BRIP1: variants seen among roughly 807,000 people sequenced by gnomAD.
BRIP1 encodes BRCA1 interacting DNA helicase 1, also known as Fanconi anemia group J protein.
Under a neutral mutation model 119.7 loss-of-function variants are expected in BRIP1, and 88 were observed. The ratio of observed to expected loss-of-function variants is 0.74; its 90% CI spans 0.62 to 0.88. BRIP1 has a LOEUF of 0.88. Ranked by LOEUF, BRIP1 falls within the 40% of genes least tolerant of loss-of-function variation. The probability of loss-of-function intolerance (pLI) is 0.00; values close to 1 mark genes in which losing one functional copy is unlikely to be tolerated. For synonymous variants in BRIP1, 443 were observed against 496.5 expected (o/e 0.89, Z 1.43); for missense variants, 1,259 against 1,455.4 (o/e 0.87, Z 2.20).
intron 14 of BRIP1, among the ~76,000 whole-genome samples, chr17:61,765,382 TATATATATA>T (rs1567798696): frequency 0.017 from 313 of 18,272 alleles, 2 homozygotes; most frequent in South Asian, 0.045. Context: ...GTATATATTA[TATATATATA>T]TATATATATA....
rs2077228019 is a variant in BRIP1, at chr17:61,758,326, G to A, written c.2098-13735C>T. ...AAGGCAACTCGTTTTCTATACTTCT[G>A]TAAATGGGCTAATAATTAAACTATA... is the stretch of plus-strand genomic sequence containing the variant. On this transcript the variant is annotated intron_variant, in intron 14 of 19. Coordinates refer to ENST00000259008, the MANE Select transcript of BRIP1 (RefSeq NM_032043.3). This position sits in a 1 kb window ranked among gnomAD's most constrained non-coding sequence, Gnocchi z 5.3. Among the ~76,000 whole-genome samples, 1 of 152,168 alleles carries A rather than the reference G, an allele frequency of 6.6e-6. No homozygotes were observed. The highest frequency in any genetic ancestry group is 1.5e-5 in the Non-Finnish European group (1 of 68,038).
At chr17:61,787,194 CTATATAAAA>C (rs1314950426) in intron 10 of BRIP1, among the ~76,000 whole-genome samples, 1 of 72,810 alleles carries the variant, frequency 1.4e-5, no homozygotes, top group African/African-American at 6.1e-5. Flanking sequence ...ATATTATATA[CTATATAAAA>C]TATATAAAAA....
At chr17:61,777,949 CTGATCCTGATG>C (rs1314248384) in intron 13 of BRIP1, among the ~76,000 whole-genome samples, 1 of 152,162 alleles carries the variant, frequency 6.6e-6, no homozygotes, top group African/African-American at 2.4e-5. Flanking sequence ...GAGGCCAGCC[CTGATCCTGATG>C]CTACCTAGGA....
chr17:61,731,961 T>TTTTC (rs1188482035), intron 16 of BRIP1, among the ~76,000 whole-genome samples: 130 of 148,622 alleles, frequency 8.7e-4, no homozygotes, highest in African/African-American at 2.8e-3. Context: ...GCTTTTTTTC[T>TTTTC]TTTCTTTCTT....
In BRIP1 at chr17:61,780,435, T is replaced by C. The variant is rs766567914; in HGVS notation, c.1795-34A>G. 3.8e-6 allele frequency: 6 copies of C among 1,584,276 alleles called. No homozygotes were observed. Among genetic ancestry groups the C allele is most frequent in the Admixed American group, 1.7e-5 (1 of 59,932 alleles). Reference sequence around the variant, plus strand: ...AAACAACATTAGATAAATAAAATTATCTTTAGAAGAGGCTGGGCAAAGTGG... The same window carrying C: ...AAACAACATTAGATAAATAAAATTACCTTTAGAAGAGGCTGGGCAAAGTGG... On this transcript the variant is annotated intron_variant, in intron 12 of 19. Transcript: ENST00000259008. This position sits in a 1 kb window ranked among gnomAD's most constrained non-coding sequence, Gnocchi z 5.4.
intron 14 of BRIP1, among the ~76,000 whole-genome samples, chr17:61,764,482 A>G (rs2077322593): frequency 6.6e-6 from 1 of 152,188 alleles, no homozygotes; most frequent in South Asian, 2.1e-4. Flanking sequence ...TTTGGAGACT[A>G]CCACTGCATC....
chr17:61,800,566 G>A (rs2145323456), intron 8 of BRIP1, among the ~76,000 whole-genome samples: 1 of 152,268 alleles, frequency 6.6e-6, no homozygotes, highest in South Asian at 2.1e-4. Context: ...AGCAAAGGAA[G>A]CAATAGATTT....
chr17:61,803,829 A>G lies in BRIP1; in HGVS notation c.919-2355T>C, dbSNP rs892625034. Reference sequence around the variant, plus strand: ...ATTTAAAATTTTACCATTAATGTGAATAGATGTACCCTGTACTGTTAAATA... The same window carrying G: ...ATTTAAAATTTTACCATTAATGTGAGTAGATGTACCCTGTACTGTTAAATA... On this transcript the variant is annotated intron_variant, in intron 7 of 19. Transcript: ENST00000259008. The surrounding 1 kb of genome is among the most constrained non-coding windows in gnomAD (Gnocchi z 4.3). 3.3e-5 allele frequency among the ~76,000 whole-genome samples: 5 copies of G among 152,158 alleles called. No individual in the cohort carries two copies. Among genetic ancestry groups the G allele is most frequent in the Non-Finnish European group, 2.9e-5 (2 of 68,018 alleles).
At chr17:61,820,449 TTGAC>T (rs2078303687) in intron 6 of BRIP1, among the ~76,000 whole-genome samples, 1 of 152,210 alleles carries the variant, frequency 6.6e-6, no homozygotes, top group African/African-American at 2.4e-5. Context: ...GAAAAACTGG[TTGAC>T]TGGCCACATT....
intron 3 of BRIP1, among the ~76,000 whole-genome samples, chr17:61,859,486 C>T (rs2078943799): frequency 6.6e-6 from 1 of 152,150 alleles, no homozygotes; most frequent in African/African-American, 2.4e-5. Flanking sequence ...TGTACATCAC[C>T]ATGCCTGGCT....
intron 10 of BRIP1, among the ~76,000 whole-genome samples, chr17:61,784,763 G>A (rs749161690): frequency 1.3e-5 from 2 of 152,000 alleles, no homozygotes; most frequent in Admixed American, 6.6e-5. Context: ...TCTCTCTCTC[G>A]CTTCTTCTCT....
rs372601941 is a variant in BRIP1 at position 61,841,139 on chromosome 17, T to C, written c.627+5962A>G. ...CTAGAAGAAAACATAGGGCAAAAGC[T>C]TCAGGACACTGATCTAGGCAGATTT... is the stretch of plus-strand genomic sequence containing the variant. On this transcript the variant is annotated intron_variant, in intron 6 of 19. Transcript: ENST00000259008. This position sits in a 1 kb window ranked among gnomAD's most constrained non-coding sequence, Gnocchi z 4.1. 6.6e-6 allele frequency among the ~76,000 whole-genome samples: 1 copy of C among 152,264 alleles called. No homozygotes were observed. The highest frequency in any genetic ancestry group is 1.9e-4 in the East Asian group (1 of 5,180).
In BRIP1 at chr17:61,828,783, A is replaced by G. The variant is rs967573000; in HGVS notation, c.627+18318T>C. On this transcript the variant is annotated intron_variant, in intron 6 of 19. Coordinates refer to ENST00000259008, the MANE Select transcript of BRIP1 (RefSeq NM_032043.3). The surrounding 1 kb of genome is among the most constrained non-coding windows in gnomAD (Gnocchi z 4.1). The stretch of plus-strand genomic sequence containing the variant: ...TGATTTAAACTAAAAATAACAAAAC[A>G]CTGTGAGGGCTATGACAAATGTAGA... 1.3e-5 allele frequency among the ~76,000 whole-genome samples: 2 copies of G among 152,170 alleles called. No individual in the cohort carries two copies. The highest frequency in any genetic ancestry group is 6.5e-5 in the Admixed American group (1 of 15,268).
chr17:61,732,937 G>A (rs1358376272), intron 16 of BRIP1, among the ~76,000 whole-genome samples: 2 of 152,038 alleles, frequency 1.3e-5, no homozygotes, highest in African/African-American at 4.8e-5. Context: ...CAAATGATCT[G>A]CCCACCTTGG....
rs756571489 is a variant in BRIP1, at chr17:61,730,263, G to GA, written c.2379+12749dup. Among the ~76,000 whole-genome samples, 20 of 151,884 alleles carry GA rather than the reference G, an allele frequency of 1.3e-4. No homozygotes were observed. The East Asian group carries it at 2.1e-3, about 16-fold the overall frequency. On this transcript the variant is annotated intron_variant, in intron 16 of 19. Coordinates refer to ENST00000259008, the MANE Select transcript of BRIP1 (RefSeq NM_032043.3). This position sits in a 1 kb window ranked among gnomAD's most constrained non-coding sequence, Gnocchi z 4.3. ...TTGAGACCTTAAAGCTTTACAGTTA[G>GA]AAAAAAAAGTGACATAGTCACCTGA...
rs775509896 is a variant in BRIP1, at chr17:61,847,191, T to C, written c.537A>G (p.Glu179=). The change falls in exon 6 of 20, where the codon GAA becomes GAG. Residue 179 remains glutamate (E), a synonymous_variant. Coordinates refer to ENST00000259008, the MANE Select transcript of BRIP1 (RefSeq NM_032043.3). ...QIRKRHCFGT[E]VHNLDAKVDS... Reference sequence around the variant, plus strand: ...CAACTTTTGCATCCAAATTGTGTACTTCTGTTCCAAAGCAATGACGTTTTC... The same window carrying C: ...CAACTTTTGCATCCAAATTGTGTACCTCTGTTCCAAAGCAATGACGTTTTC... 2.5e-6 allele frequency: 4 copies of C among 1,613,776 alleles called. No homozygotes were observed. Among genetic ancestry groups the C allele is most frequent in the African/African-American group, 1.3e-5 (1 of 75,050 alleles).
At chr17:61,707,908 G>A (rs894507249) in intron 17 of BRIP1, among the ~76,000 whole-genome samples, 1 of 150,940 alleles carries the variant, frequency 6.6e-6, no homozygotes, top group African/African-American at 2.4e-5. Context: ...GTGCAGTGGT[G>A]CAATCTCGGC....
In BRIP1 at chr17:61,815,058, T is replaced by C. The variant is rs2078216454; in HGVS notation, c.628-6301A>G. Among the ~76,000 whole-genome samples the C allele has an allele frequency of 6.7e-6, 1 of 149,956 alleles. No individual in the cohort carries two copies. Among genetic ancestry groups the C allele is most frequent in the Admixed American group, 6.7e-5 (1 of 15,000 alleles). On this transcript the variant is annotated intron_variant, in intron 6 of 19. Transcript: ENST00000259008. This position sits in a 1 kb window ranked among gnomAD's most constrained non-coding sequence, Gnocchi z 4.1. The stretch of plus-strand genomic sequence containing the variant: ...GAGGAATCAAGACTATGGAAGATAA[T>C]CTTAAAAGCTAACAATTGTCATGAA...
intron 6 of BRIP1, among the ~76,000 whole-genome samples, chr17:61,840,153 G>A (rs955012449): frequency 5.9e-5 from 9 of 152,114 alleles, no homozygotes; most frequent in Admixed American, 2.0e-4. Context: ...GAGGTCAGGC[G>A]TTCAAGGCCA....
Sources: gnomAD v4.1 joint callset for allele counts (sites outside exome capture counted in the v4.1 genomes callset) on GRCh38, gnomAD v4.1.1 for gene constraint, Gnocchi (gnomAD v3.1) non-coding constraint, MANE v1.5 for transcripts, NCBI Gene and HGNC (gene_info 2026-07-23, HGNC 2026-07-21) for gene names.